AP1S3: variants seen among roughly 807,000 people sequenced by gnomAD.
The protein encoded by AP1S3 is AP-1 complex subunit sigma-3.
AP1S3 carries 10 observed loss-of-function variants against 20.9 expected under a neutral mutation model. The ratio of observed to expected loss-of-function variants is 0.48; its 90% confidence interval spans 0.29 to 0.81. The LOEUF (loss-of-function observed/expected upper bound fraction) is 0.81, where lower values mean the gene tolerates loss of function less well. Ranked by LOEUF, AP1S3 falls within the 30% of genes least tolerant of loss-of-function variation. The pLI, the probability that AP1S3 is intolerant of heterozygous loss-of-function variation, is 0.08. For synonymous variants in AP1S3, 41 were observed against 61.5 expected (o/e 0.67, Z 1.56); for missense variants, 154 against 183.8 (o/e 0.84, Z 0.94).
At chr2:223,833,650 G>T (rs930392593) in intron 1 of AP1S3, among the ~76,000 whole-genome samples, 2 of 152,192 alleles carry the variant, frequency 1.3e-5, no homozygotes, top group African/African-American at 4.8e-5. Flanking sequence ...GAAGCAGCAG[G>T]AAAGACAGGG....
rs188245071 is a variant in AP1S3, at chr2:223,829,792, A to C, written c.3+7656T>G. Among the ~76,000 whole-genome samples the C allele has an allele frequency of 7.1e-3, 1,079 of 151,910 alleles. 13 individuals are homozygous for C. Among genetic ancestry groups the C allele is most frequent in the African/African-American group, 0.025 (1,042 of 41,426 alleles). On this transcript the variant is annotated intron_variant, in intron 1 of 4. Coordinates refer to ENST00000396654, the MANE Select transcript of AP1S3 (RefSeq NM_001039569.2). ...GCAGAGGTTGCAGTGAGCTGAGATC[A>C]CACCACTGTGCTCCAGCCTGGGCAA...
chr2:223,828,184 T>G (rs1195324726), intron 1 of AP1S3, among the ~76,000 whole-genome samples: 3 of 150,980 alleles, frequency 2.0e-5, no homozygotes, highest in African/African-American at 7.3e-5. Flanking sequence ...AACCAAGCAG[T>G]CTTATTCCAC....
At chr2:223,768,697 A>T (rs1411278911) in intron 3 of AP1S3, among the ~76,000 whole-genome samples, 1 of 152,064 alleles carries the variant, frequency 6.6e-6, no homozygotes, top group Non-Finnish European at 1.5e-5. Flanking sequence ...TTTACTAAAA[A>T]TACAAAAATT....
At chr2:223,795,221 C>A (rs1416561707) in intron 1 of AP1S3, among the ~76,000 whole-genome samples, 1 of 152,040 alleles carries the variant, frequency 6.6e-6, no homozygotes, top group Non-Finnish European at 1.5e-5. Context: ...TGCACTCCAG[C>A]CTGGGCAACA....
chr2:223,797,821 A>G (rs1003506300), intron 1 of AP1S3, among the ~76,000 whole-genome samples: 48 of 152,206 alleles, frequency 3.2e-4, no homozygotes, highest in African/African-American at 1.1e-3. Context: ...AACAAAGCAC[A>G]CTGTGTGTGG....
chr2:223,813,661 A>G (rs2106120316), intron 1 of AP1S3, among the ~76,000 whole-genome samples: 1 of 152,338 alleles, frequency 6.6e-6, no homozygotes, highest in Middle Eastern at 3.4e-3. Flanking sequence ...ACACTCTGAC[A>G]CAGCCCCTCT....
rs1219895496 is a variant in AP1S3, at chr2:223,755,527, T to C, written c.*3188A>G. Among the ~76,000 whole-genome samples the C allele has an allele frequency of 1.9e-5, 2 of 105,638 alleles. No homozygotes were observed. Among genetic ancestry groups the C allele is most frequent in the Admixed American group, 1.4e-4 (1 of 6,950 alleles). 69.3% of individuals were successfully genotyped at this position (105,638 alleles called of 152,430 possible). On this transcript the variant is annotated 3_prime_UTR_variant, in exon 5 of 5. Coordinates refer to ENST00000396654, the MANE Select transcript of AP1S3 (RefSeq NM_001039569.2). ...GCCATATAGATATGTTTACTTACTT[T>C]CATTTTTTTTTTTTTTTTTTTGAGA...
intron 4 of AP1S3, among the ~76,000 whole-genome samples, chr2:223,760,746 T>A (rs2106074873): frequency 6.6e-6 from 1 of 152,374 alleles, no homozygotes; most frequent in East Asian, 1.9e-4. Flanking sequence ...AGATTGTGAA[T>A]TTTGAAGATG....
chr2:223,780,493 A>G (rs992066845), intron 1 of AP1S3, among the ~76,000 whole-genome samples: 34 of 150,726 alleles, frequency 2.3e-4, no homozygotes, highest in Admixed American at 6.6e-4. Context: ...TGGCATGATC[A>G]TAGCTCACTG....
intron 1 of AP1S3, among the ~76,000 whole-genome samples, chr2:223,829,489 G>A (rs1017212613): frequency 1.3e-5 from 2 of 152,026 alleles, no homozygotes; most frequent in Non-Finnish European, 2.9e-5. Flanking sequence ...TAGCTTGGGA[G>A]GCCAAGGCGG....
chr2:223,837,509 C>T lies in AP1S3; in HGVS notation c.-59G>A. 1 of 1,211,902 alleles carries T rather than the reference C, an allele frequency of 8.3e-7. No individual in the cohort carries two copies. Among genetic ancestry groups the T allele is most frequent in the Non-Finnish European group, 1.0e-6 (1 of 958,832 alleles). 75.1% of individuals were successfully genotyped at this position (1,211,902 alleles called of 1,614,324 possible). On this transcript the variant is annotated 5_prime_UTR_variant, in exon 1 of 5. Coordinates refer to ENST00000396654, the MANE Select transcript of AP1S3 (RefSeq NM_001039569.2). ...GCAAGGAGCGCTGGAGAAGCGAGGG[C>T]GAGAGGCGAGCGCTGGAGCCGGTGC...
chr2:223,755,948 G>C lies in AP1S3; in HGVS notation c.*2767C>G, dbSNP rs1690202549. The C allele has an allele frequency of 3.0e-6, 3 of 985,458 alleles. No homozygotes were observed. The highest frequency in any genetic ancestry group is 6.1e-5 in the Admixed American group (1 of 16,276). The allele number at this position is 985,458 out of a possible 1,614,324, so 61.0% of individuals were successfully genotyped here. ...TGTAGTATATTTGAATGAGGTTCAAGAGATACCTTTATCCAAATATGGTGA... is the reference window on the plus strand; with the variant it reads ...TGTAGTATATTTGAATGAGGTTCAACAGATACCTTTATCCAAATATGGTGA... On this transcript the variant is annotated 3_prime_UTR_variant, in exon 5 of 5. Coordinates refer to ENST00000396654, the MANE Select transcript of AP1S3 (RefSeq NM_001039569.2).
At chr2:223,790,772 T>A (rs964758086) in intron 1 of AP1S3, among the ~76,000 whole-genome samples, 1 of 152,162 alleles carries the variant, frequency 6.6e-6, no homozygotes, top group Non-Finnish European at 1.5e-5. Context: ...TGTGTGTGTG[T>A]TGTGACAACA....
At chr2:223,832,131 CTCTCTGTGTGTGTGTGTGTG>C (rs1368090976) in intron 1 of AP1S3, among the ~76,000 whole-genome samples, 30 of 114,748 alleles carry the variant, frequency 2.6e-4, no homozygotes, top group Admixed American at 7.3e-4. Context: ...AAGGAGTTTT[CTCTCTGTGTGTGTGTGTGTG>C]TGTGTGTGTG....
At chr2:223,792,428 C>G (rs920995650) in intron 1 of AP1S3, among the ~76,000 whole-genome samples, 10 of 151,934 alleles carry the variant, frequency 6.6e-5, no homozygotes, top group Non-Finnish European at 1.0e-4. Context: ...CAAAAATAAG[C>G]AATTTTTTGC....
intron 1 of AP1S3, among the ~76,000 whole-genome samples, chr2:223,809,320 C>A (rs1235100506): frequency 6.6e-6 from 1 of 152,150 alleles, no homozygotes; most frequent in Non-Finnish European, 1.5e-5. Context: ...ATCTCATGGG[C>A]CCCTCCCTTA....
In AP1S3 at chr2:223,827,891, C is replaced by A. The variant is rs114190011; in HGVS notation, c.3+9557G>T. ...CCTGGCCAACATGGTGAAATCACGT[C>A]CTACTTAAAATACAAAAATTAGCTG... On this transcript the variant is annotated intron_variant, in intron 1 of 4. Coordinates refer to ENST00000396654, the MANE Select transcript of AP1S3 (RefSeq NM_001039569.2). Among the ~76,000 whole-genome samples the A allele has an allele frequency of 6.3e-3, 955 of 151,176 alleles. 7 individuals carry two copies. Among genetic ancestry groups the A allele is most frequent in the African/African-American group, 0.022 (905 of 41,276 alleles).
chr2:223,771,719 A>G (rs1690631584), intron 3 of AP1S3, among the ~76,000 whole-genome samples: 1 of 152,254 alleles, frequency 6.6e-6, no homozygotes, highest in Non-Finnish European at 1.5e-5. Flanking sequence ...TACTTATTAA[A>G]TGATGCTCTA....
intron 1 of AP1S3, among the ~76,000 whole-genome samples, chr2:223,822,766 C>T (rs932725925): frequency 6.6e-6 from 1 of 152,002 alleles, no homozygotes; most frequent in African/African-American, 2.4e-5. Context: ...AGCTTCTGCA[C>T]AGCAGAGAAA....
Sources: gnomAD v4.1 joint callset for allele counts (sites outside exome capture counted in the v4.1 genomes callset) on GRCh38, gnomAD v4.1.1 for gene constraint, MANE v1.5 for transcripts, NCBI Gene and HGNC (gene_info 2026-07-23, HGNC 2026-07-21) for gene names.